The following DOCK7 variants were observed in gnomAD, a reference collection of about 807,000 sequenced individuals.
DOCK7 encodes the protein dedicator of cytokinesis protein 7.
Under a neutral mutation model 271.0 loss-of-function variants are expected in DOCK7, and 138 were observed. The observed-to-expected ratio is 0.51, with a 90% CI of 0.44 to 0.59. DOCK7 has a LOEUF of 0.59. Among genes scored for constraint, DOCK7 ranks in the 20% least tolerant of loss-of-function variants. The pLI is 0.00. For missense variants in DOCK7, 2,066 were observed against 2,592.4 expected, an observed-to-expected ratio of 0.80 and a Z score of 4.41; for synonymous variants, 823 against 876.1, an observed-to-expected ratio of 0.94 and a Z score of 1.07.
intron 23 of DOCK7, among the ~76,000 whole-genome samples, chr1:62,544,111 A>C (rs1645624233): frequency 1.3e-5 from 2 of 152,332 alleles, no homozygotes; most frequent in South Asian, 4.1e-4. Flanking sequence ...CCAAAAAAGA[A>C]ATCAGTAACT....
intron 21 of DOCK7, among the ~76,000 whole-genome samples, chr1:62,554,789 C>A (rs1646084401): frequency 6.6e-6 from 1 of 152,310 alleles, no homozygotes; most frequent in East Asian, 1.9e-4. Flanking sequence ...ATCACTCACA[C>A]ATTCATGTCC....
chr1:62,581,484 C>G (rs1356654618), intron 16 of DOCK7, among the ~76,000 whole-genome samples: 1 of 152,018 alleles, frequency 6.6e-6, no homozygotes, highest in Non-Finnish European at 1.5e-5. Flanking sequence ...TATATGAACA[C>G]AGAGAAGACA....
At chr1:62,572,702 C>T (rs1646822942) in intron 18 of DOCK7, among the ~76,000 whole-genome samples, 1 of 152,150 alleles carries the variant, frequency 6.6e-6, no homozygotes, top group South Asian at 2.1e-4. Flanking sequence ...GAAGGCCCCA[C>T]CCTTATAACC....
chr1:62,482,689 C>G (rs1432313413), intron 43 of DOCK7: 4 of 152,092 alleles, frequency 2.6e-5, no homozygotes, highest in Non-Finnish European at 4.4e-5. Context: ...TTAGCATAAC[C>G]CCTGAACTAT....
chr1:62,490,281 G>A (rs1033363331), intron 41 of DOCK7, among the ~76,000 whole-genome samples: 10 of 151,634 alleles, frequency 6.6e-5, no homozygotes, highest in Admixed American at 2.6e-4. Flanking sequence ...TACATTGAGC[G>A]GGCTGGTTTC....
chr1:62,541,839 C>G (rs1428375462), intron 25 of DOCK7, among the ~76,000 whole-genome samples: 2 of 152,050 alleles, frequency 1.3e-5, no homozygotes, highest in Non-Finnish European at 2.9e-5. Flanking sequence ...TTAATTCACT[C>G]ATTTTAAAAG....
At chr1:62,585,878 T>C (rs533317558) in intron 15 of DOCK7, among the ~76,000 whole-genome samples, 37 of 152,280 alleles carry the variant, frequency 2.4e-4, no homozygotes, top group African/African-American at 8.7e-4. Context: ...TGGTGAGACT[T>C]AAAAATACTG....
chr1:62,636,518 T>C lies in DOCK7; in HGVS notation c.885+19A>G. ...CAATGATTATGACAAATAACTATGG[T>C]CAAATTATATAATCTTACCTTTTTC... On this transcript the variant is annotated intron_variant, in intron 8 of 49. Coordinates refer to ENST00000635253, the MANE Select transcript of DOCK7 (RefSeq NM_001367561.1). 6.4e-7 allele frequency: 1 copy of C among 1,565,956 alleles called. No individual in the cohort carries two copies.
rs1227426643 is a variant in DOCK7 at position 62,618,673 on chromosome 1, T to C, written c.1682+33A>G. 3.8e-6 allele frequency: 6 copies of C among 1,565,964 alleles called. No individual in the cohort carries two copies. The African/African-American group carries it at 8.1e-5, about 21-fold the overall frequency. On this transcript the variant is annotated intron_variant, in intron 14 of 49. Coordinates refer to ENST00000635253, the MANE Select transcript of DOCK7 (RefSeq NM_001367561.1). ...TAATATTTTAGAATATACAGTATCTTCTATCAGAATTCTCCAAATTAAAAT... is the reference window on the plus strand; with the variant it reads ...TAATATTTTAGAATATACAGTATCTCCTATCAGAATTCTCCAAATTAAAAT...
intron 7 of DOCK7, among the ~76,000 whole-genome samples, chr1:62,647,326 CTT>C (rs534235741): frequency 2.0e-5 from 3 of 152,210 alleles, no homozygotes; most frequent in East Asian, 3.9e-4. Context: ...AAAATCAACT[CTT>C]TGATTTTATA....
At chr1:62,595,570 C>G (rs1474052016) in intron 14 of DOCK7, among the ~76,000 whole-genome samples, 2 of 152,136 alleles carry the variant, frequency 1.3e-5, no homozygotes, top group East Asian at 3.9e-4. Context: ...ATACCCAAAA[C>G]CCTTAATCCT....
intron 2 of DOCK7, among the ~76,000 whole-genome samples, chr1:62,662,354 T>A (rs1370910929): frequency 6.6e-6 from 1 of 152,224 alleles, no homozygotes; most frequent in African/African-American, 2.4e-5. Flanking sequence ...TCAATAAATA[T>A]AAATTCATTT....
chr1:62,484,206 T>A (rs148777135), intron 43 of DOCK7: 20 of 151,888 alleles, frequency 1.3e-4, no homozygotes, highest in African/African-American at 4.8e-4. Flanking sequence ...ATAATGAGAG[T>A]TAAGATATAG....
intron 37 of DOCK7, among the ~76,000 whole-genome samples, chr1:62,497,074 GT>G (rs1408892992): frequency 2.0e-5 from 3 of 151,938 alleles, no homozygotes; most frequent in Non-Finnish European, 4.4e-5. Flanking sequence ...TATATCAATT[GT>G]CAAATCCAAT....
At chr1:62,602,255 A>G in intron 14 of DOCK7, 1 of 1,543,966 alleles carries the variant, frequency 6.5e-7, no homozygotes, top group South Asian at 1.1e-5. Flanking sequence ...AAATCTACTA[A>G]AAATACATGA....
At chr1:62,473,480 G>A (rs1236763228) in intron 48 of DOCK7, among the ~76,000 whole-genome samples, 1 of 152,172 alleles carries the variant, frequency 6.6e-6, no homozygotes, top group Non-Finnish European at 1.5e-5. Flanking sequence ...GCACTATAGA[G>A]TATGGTAGGG....
intron 14 of DOCK7, among the ~76,000 whole-genome samples, chr1:62,617,670 A>G (rs1557809162): frequency 6.6e-6 from 1 of 152,050 alleles, no homozygotes; most frequent in Non-Finnish European, 1.5e-5. Context: ...TTGAAATGAT[A>G]ATACTTTAGA....
intron 29 of DOCK7, among the ~76,000 whole-genome samples, chr1:62,535,205 T>C (rs1645302591): frequency 6.6e-6 from 1 of 152,190 alleles, no homozygotes; most frequent in African/African-American, 2.4e-5. Context: ...ATATGCATAA[T>C]TTATTTTATA....
At chr1:62,528,033 T>C in intron 31 of DOCK7, 118 bp downstream of exon 31, 3 of 1,074,714 alleles carry the variant, frequency 2.8e-6, no homozygotes, top group Non-Finnish European at 3.8e-6. Flanking sequence ...AATATTTTCA[T>C]AAATAAAACT....
Sources: allele counts gnomAD v4.1 joint callset (sites outside exome capture counted in the v4.1 genomes callset), GRCh38; gene constraint gnomAD v4.1.1; transcripts MANE v1.5; gene names NCBI Gene and HGNC (gene_info 2026-07-23, HGNC 2026-07-21).